The following SYN3 variants were observed in gnomAD, a reference collection of about 807,000 sequenced individuals.
SYN3 encodes the protein synapsin-3.
In SYN3, 35 loss-of-function variants were observed where a neutral mutation model predicts 65.8. The observed-to-expected ratio is 0.53, with a 90% CI of 0.41 to 0.70. The LOEUF is 0.70. Among genes scored for constraint, SYN3 ranks in the 30% least tolerant of loss-of-function variants. SYN3 has a pLI of 0.00. For synonymous variants in SYN3, 270 were observed against 292.9 expected, an observed-to-expected ratio of 0.92 and a Z score of 0.80; for missense variants, 680 against 749.0, an observed-to-expected ratio of 0.91 and a Z score of 1.08.
chr22:32,597,786 T>G (rs1424309061), intron 6 of SYN3, among the ~76,000 whole-genome samples: 2 of 152,116 alleles, frequency 1.3e-5, no homozygotes, highest in Non-Finnish European at 2.9e-5. Flanking sequence ...GGGAAGGTGC[T>G]CGATACTGAA....
At chr22:32,572,093 C>T (rs554098291) in intron 7 of SYN3, among the ~76,000 whole-genome samples, 35 of 151,772 alleles carry the variant, frequency 2.3e-4, no homozygotes, top group Non-Finnish European at 3.7e-4. Flanking sequence ...AGGCTTTAAG[C>T]GGGGAAGGTA....
At chr22:32,894,977 A>G (rs1482862758) in intron 4 of SYN3, among the ~76,000 whole-genome samples, 1 of 152,230 alleles carries the variant, frequency 6.6e-6, no homozygotes, top group African/African-American at 2.4e-5. Context: ...GAAGAGGCAG[A>G]TGAAAAATAT....
chr22:33,017,932 G>A (rs2053497312), intron 1 of SYN3, among the ~76,000 whole-genome samples: 1 of 152,154 alleles, frequency 6.6e-6, no homozygotes, highest in Admixed American at 6.5e-5. Flanking sequence ...AGGCACATTT[G>A]AAGAACAGAG....
Position 32,509,992 on chromosome 22 carries a change from C to T in SYN3, c.*3700G>A, listed in dbSNP as rs1398636931. ...ATTTGGAGCTTGGAAGGAGGTTCTG[C>T]GGCTGTTGTACACAGATACTGGAGT... is the stretch of plus-strand genomic sequence containing the variant. On this transcript the variant is annotated 3_prime_UTR_variant, in exon 14 of 14. Coordinates refer to ENST00000358763, the MANE Select transcript of SYN3 (RefSeq NM_003490.4). 6.6e-6 allele frequency among the ~76,000 whole-genome samples: 1 copy of T among 152,096 alleles called. No individual in the cohort carries two copies. The highest frequency in any genetic ancestry group is 1.9e-4 in the East Asian group (1 of 5,192).
chr22:32,984,161 C>CAAAAAA (rs35678412), intron 2 of SYN3, among the ~76,000 whole-genome samples: 32 of 92,750 alleles, frequency 3.5e-4, no homozygotes, highest in African/African-American at 4.2e-4. Flanking sequence ...AAACTCCATC[C>CAAAAAA]AAAAAAAAAA....
intron 1 of SYN3, among the ~76,000 whole-genome samples, chr22:33,038,215 A>T (rs553544127): frequency 5.7e-4 from 87 of 152,284 alleles, no homozygotes; most frequent in African/African-American, 2.0e-3. Flanking sequence ...AGGCACCAGG[A>T]TCCCTAAGGT....
intron 6 of SYN3, among the ~76,000 whole-genome samples, chr22:32,767,056 C>G (rs952189010): frequency 6.6e-6 from 1 of 152,130 alleles, no homozygotes; most frequent in African/African-American, 2.4e-5. Flanking sequence ...TAGGCCTGTG[C>G]CTTCCGGGAT....
At chr22:32,737,864 G>A (rs780549827) in intron 6 of SYN3, among the ~76,000 whole-genome samples, 3 of 152,290 alleles carry the variant, frequency 2.0e-5, no homozygotes, top group South Asian at 2.1e-4. Flanking sequence ...CAGAGCTGAT[G>A]TGCCTCCTCC....
intron 7 of SYN3, among the ~76,000 whole-genome samples, chr22:32,552,011 G>A (rs1454615347): frequency 1.3e-5 from 2 of 152,202 alleles, no homozygotes; most frequent in Admixed American, 1.3e-4. Context: ...AGCACTTTGG[G>A]AGGCCGAGGT....
At chr22:32,742,479 G>T (rs1167858222) in intron 6 of SYN3, among the ~76,000 whole-genome samples, 1 of 152,128 alleles carries the variant, frequency 6.6e-6, no homozygotes, top group Non-Finnish European at 1.5e-5. Flanking sequence ...GCAAGGAAAA[G>T]AATGGTTGGG....
intron 2 of SYN3, among the ~76,000 whole-genome samples, chr22:32,984,243 C>T (rs1209894308): frequency 2.7e-5 from 4 of 150,320 alleles, no homozygotes; most frequent in Non-Finnish European, 5.9e-5. Context: ...CCTTCCTTGG[C>T]AGATACAATT....
At chr22:32,577,835 A>G (rs533860988) in intron 7 of SYN3, among the ~76,000 whole-genome samples, 279 of 151,652 alleles carry the variant, frequency 1.8e-3, no homozygotes, top group African/African-American at 6.4e-3. Context: ...CACATGACTC[A>G]CTCTCTCCTT....
chr22:32,673,995 C>T (rs1438639882), intron 6 of SYN3, among the ~76,000 whole-genome samples: 2 of 151,956 alleles, frequency 1.3e-5, no homozygotes, highest in African/African-American at 4.8e-5. Flanking sequence ...GAGTTGGACT[C>T]AAAGGGGATA....
intron 6 of SYN3, among the ~76,000 whole-genome samples, chr22:32,800,518 C>G (rs968107761): frequency 6.6e-6 from 1 of 152,126 alleles, no homozygotes; most frequent in Non-Finnish European, 1.5e-5. Flanking sequence ...AGCTATAATA[C>G]GGTGAGATAC....
chr22:32,750,049 G>A (rs1203237375), intron 6 of SYN3, among the ~76,000 whole-genome samples: 1 of 152,206 alleles, frequency 6.6e-6, no homozygotes, highest in Non-Finnish European at 1.5e-5. Flanking sequence ...AATTCATTCT[G>A]TAAGCACCTA....
intron 2 of SYN3, among the ~76,000 whole-genome samples, chr22:32,996,907 C>T (rs980705598): frequency 6.6e-6 from 1 of 152,218 alleles, no homozygotes; most frequent in African/African-American, 2.4e-5. Context: ...TCACCGGAAT[C>T]CTGTGCTTGG....
intron 6 of SYN3, among the ~76,000 whole-genome samples, chr22:32,647,714 T>C (rs1393664835): frequency 6.6e-6 from 1 of 152,134 alleles, no homozygotes; most frequent in Non-Finnish European, 1.5e-5. Context: ...GTTCAAGCAA[T>C]TCTTCTGCCT....
In SYN3 at chr22:32,876,318, G is replaced by A. The variant is rs115464288; in HGVS notation, c.462-7193C>T. ...CTCCTAATGGCCCCACCTCCTAATC[G>A]CATTGGGCGTTAGGATTCAACATAA... is the stretch of plus-strand genomic sequence containing the variant. On this transcript the variant is annotated intron_variant, in intron 4 of 13. Coordinates refer to ENST00000358763, the MANE Select transcript of SYN3 (RefSeq NM_003490.4). Among the ~76,000 whole-genome samples the A allele has an allele frequency of 4.3e-3, 653 of 152,150 alleles. 6 individuals are homozygous for A. The highest frequency in any genetic ancestry group is 0.015 in the African/African-American group (616 of 41,486).
chr22:32,668,579 C>T (rs1354038763), intron 6 of SYN3, among the ~76,000 whole-genome samples: 1 of 151,902 alleles, frequency 6.6e-6, no homozygotes, highest in Non-Finnish European at 1.5e-5. Context: ...CCTGCCTTCC[C>T]TTCTTCCTTT....
Sources: gnomAD v4.1 joint callset for allele counts (sites outside exome capture counted in the v4.1 genomes callset) on GRCh38, gnomAD v4.1.1 for gene constraint, MANE v1.5 for transcripts, NCBI Gene and HGNC (gene_info 2026-07-23, HGNC 2026-07-21) for gene names.